Variants in ETS1 observed in about 807,000 individuals in gnomAD.
The protein encoded by ETS1 is protein C-ets-1.
In ETS1, 15 loss-of-function variants were observed where a neutral mutation model predicts 58.6. That is an observed-to-expected ratio of 0.26 (90% CI 0.17 to 0.39). ETS1 has a LOEUF of 0.39. ETS1 is among the 10% of genes least tolerant of loss of function. The pLI is 1.00. For missense variants in ETS1, 417 were observed against 610.5 expected (o/e 0.68, Z 3.34); for synonymous variants, 214 against 218.2 (o/e 0.98, Z 0.17).
intron 3 of ETS1, among the ~76,000 whole-genome samples, chr11:128,502,344 A>T (rs1863112619): frequency 2.6e-5 from 4 of 152,248 alleles, no homozygotes. Context: ...TGAGAAAAGT[A>T]ACTGCTGCTC....
chr11:128,512,191 C>T (rs547830855), intron 3 of ETS1, among the ~76,000 whole-genome samples: 2 of 152,288 alleles, frequency 1.3e-5, no homozygotes, highest in East Asian at 3.9e-4. Context: ...ATCTCAGTTT[C>T]TTCATCTATG....
chr11:128,548,132 A>AAAGGAAAGGAAAGGGAAGGGAAGGG lies in ETS1; in HGVS notation c.214+8158_214+8159insCCCTTCCCTTCCCTTTCCTTTCCTT, dbSNP rs1555086212. Among the ~76,000 whole-genome samples the AAAGGAAAGGAAAGGGAAGGGAAGGG allele has an allele frequency of 1.3e-3, 113 of 84,026 alleles. 1 individual carries two copies. The highest frequency in any genetic ancestry group is 6.2e-3 in the African/African-American group (103 of 16,612). 55.1% of individuals were successfully genotyped at this position (84,026 alleles called of 152,430 possible). ...AAAGGGAAGGAAAGGAAAGGAAAGG[A>AAAGGAAAGGAAAGGGAAGGGAAGGG]AAGGGAAGGGAAGGGAAGGGAAGGA... On this transcript the variant is annotated intron_variant, in intron 3 of 9. Coordinates refer to ENST00000392668, the MANE Select transcript of ETS1 (RefSeq NM_001143820.2).
intron 1 of ETS1, among the ~76,000 whole-genome samples, chr11:128,577,365 C>T (rs1864772028): frequency 6.6e-6 from 1 of 152,182 alleles, no homozygotes; most frequent in Non-Finnish European, 1.5e-5. Flanking sequence ...AGGCTTTTCC[C>T]ATCACCGCAT....
intron 3 of ETS1, among the ~76,000 whole-genome samples, chr11:128,554,585 A>G (rs577223993): frequency 6.6e-6 from 1 of 152,254 alleles, no homozygotes; most frequent in African/African-American, 2.4e-5. Context: ...GAGTTTATGT[A>G]CTTCAGTTTA....
intron 3 of ETS1, among the ~76,000 whole-genome samples, chr11:128,497,904 T>G (rs4630314): frequency 0.65 from 98,280 of 151,928 alleles, 32,351 homozygotes; most frequent in Middle Eastern, 0.82. Context: ...ACTGCCCCCT[T>G]GGTCCTGTAG....
chr11:128,465,657 T>C (rs1005203342), intron 8 of ETS1, among the ~76,000 whole-genome samples: 4 of 152,266 alleles, frequency 2.6e-5, no homozygotes, highest in East Asian at 3.9e-4. Context: ...AAGAAAACCA[T>C]TCTATCCCAA....
intron 3 of ETS1, 88 bp from the exon 4 acceptor site, chr11:128,490,664 A>G: frequency 9.6e-7 from 1 of 1,044,174 alleles, no homozygotes; most frequent in Non-Finnish European, 1.4e-6. Flanking sequence ...TAAGAAGGCA[A>G]GCTGAGAAAC....
At position 128,459,982 on chromosome 11, in the gene ETS1, C is replaced by G. The variant is rs1340724162; in HGVS notation, c.*2379G>C. The G allele has an allele frequency of 6.6e-6, 1 of 152,360 alleles. No homozygotes were observed. Among genetic ancestry groups the G allele is most frequent in the East Asian group, 1.9e-4 (1 of 5,336 alleles). 9.4% of individuals were successfully genotyped at this position (152,360 alleles called of 1,614,324 possible). A position where few individuals can be genotyped will look rare whatever the true frequency, so the allele number is the denominator to read the frequency against. On this transcript the variant is annotated 3_prime_UTR_variant, in exon 10 of 10. Coordinates refer to ENST00000392668, the MANE Select transcript of ETS1 (RefSeq NM_001143820.2). ...AGCAAGCAATAATTGATACCCGGCC[C>G]TGGTTCTACTCTTACCCATTATTGA...
In ETS1 at chr11:128,579,986, G is replaced by C. The variant is rs148109060; in HGVS notation, c.-14-6842C>G. On this transcript the variant is annotated intron_variant, in intron 1 of 9. Transcript: ENST00000392668. ...CATGACACTTCCTGTATCTATGCCT[G>C]TTTCTGCTCCTGAATGATGAGTAAC... 4.0e-5 allele frequency among the ~76,000 whole-genome samples: 6 copies of C among 151,532 alleles called. No homozygotes were observed. The East Asian group carries it at 1.2e-3, about 30-fold the overall frequency.
intron 3 of ETS1, among the ~76,000 whole-genome samples, chr11:128,500,788 C>A (rs1359356399): frequency 6.6e-6 from 1 of 152,108 alleles, no homozygotes; most frequent in Non-Finnish European, 1.5e-5. Context: ...TGCGTGCACA[C>A]CCTGCTCCAG....
intron 8 of ETS1, among the ~76,000 whole-genome samples, chr11:128,475,185 C>T (rs1862289698): frequency 6.6e-6 from 1 of 152,242 alleles, no homozygotes; most frequent in Admixed American, 6.5e-5. Context: ...TAGGCTCATA[C>T]CAAAAGTTTC....
At chr11:128,584,997 AGG>A (rs1565420869) in intron 1 of ETS1, among the ~76,000 whole-genome samples, 1 of 56,626 alleles carries the variant, frequency 1.8e-5, no homozygotes, top group Non-Finnish European at 3.2e-5. Flanking sequence ...AAAGGAAGGA[AGG>A]AAGGAAAGAA....
At position 128,568,099 on chromosome 11, in the gene ETS1, G is replaced by A. The variant is rs143351166; in HGVS notation, c.69+4963C>T. ...GGAGCACAGTGGGCCACTCCTGCCC[G>A]AGCATGTTGTTCTATCTCCCAAAGT... On this transcript the variant is annotated intron_variant, in intron 2 of 9. Transcript: ENST00000392668. Among the ~76,000 whole-genome samples, 174 of 152,298 alleles carry A rather than the reference G, an allele frequency of 1.1e-3. 2 individuals are homozygous for A. The East Asian group carries it at 0.031, about 27-fold the overall frequency.
intron 3 of ETS1, among the ~76,000 whole-genome samples, chr11:128,499,294 G>A (rs995028388): frequency 9.9e-5 from 15 of 152,020 alleles, no homozygotes; most frequent in Non-Finnish European, 1.9e-4. Flanking sequence ...TGATGAATTG[G>A]GCTAACCAAT....
intron 2 of ETS1, among the ~76,000 whole-genome samples, chr11:128,572,809 T>G (rs976436645): frequency 2.0e-5 from 3 of 152,218 alleles, no homozygotes; most frequent in African/African-American, 7.2e-5. Flanking sequence ...TCATCATATT[T>G]GAGTCATTTC....
chr11:128,494,962 G>A (rs1862899698), intron 3 of ETS1, among the ~76,000 whole-genome samples: 1 of 152,178 alleles, frequency 6.6e-6, no homozygotes, highest in African/African-American at 2.4e-5. Context: ...TGTTGGGTAT[G>A]GTCACACTCA....
chr11:128,485,455 C>T lies in ETS1; in HGVS notation c.614-384G>A, dbSNP rs1023076548. ...ATTGTAATAACGTAAAAAGATAAAACGAAAAAAATAAAACCTGTTTCATAT... is the reference window on the plus strand; with the variant it reads ...ATTGTAATAACGTAAAAAGATAAAATGAAAAAAATAAAACCTGTTTCATAT... On this transcript the variant is annotated intron_variant, in intron 6 of 9. Transcript: ENST00000392668. Among the ~76,000 whole-genome samples, 8 of 151,896 alleles carry T rather than the reference C, an allele frequency of 5.3e-5. No individual in the cohort carries two copies. In the East Asian group the frequency reaches 7.7e-4, roughly 15 times the overall value.
intron 3 of ETS1, among the ~76,000 whole-genome samples, chr11:128,525,164 A>G (rs1018276072): frequency 2.6e-5 from 4 of 152,110 alleles, no homozygotes; most frequent in African/African-American, 9.7e-5. Context: ...TATCCTACCA[A>G]GTGCTGAATT....
At chr11:128,570,956 C>G (rs771850202) in intron 2 of ETS1, among the ~76,000 whole-genome samples, 1 of 152,148 alleles carries the variant, frequency 6.6e-6, no homozygotes, top group Non-Finnish European at 1.5e-5. Context: ...AAACCTTTTT[C>G]TGATTCTAAT....
Sources: allele counts gnomAD v4.1 joint callset (sites outside exome capture counted in the v4.1 genomes callset), GRCh38; gene constraint gnomAD v4.1.1; transcripts MANE v1.5; gene names NCBI Gene and HGNC (gene_info 2026-07-23, HGNC 2026-07-21).